UNC5D: variants seen among roughly 807,000 people sequenced by gnomAD.
UNC5D encodes netrin receptor UNC5D.
A neutral mutation model predicts 105.4 loss-of-function variants in UNC5D; 39 were observed. That is an observed-to-expected ratio of 0.37 (90% CI 0.29 to 0.48). The LOEUF (loss-of-function observed/expected upper bound fraction) is 0.48. Ranked by LOEUF, UNC5D falls within the 20% of genes least tolerant of loss-of-function variation. UNC5D has a pLI of 0.98. For missense variants in UNC5D, 991 were observed against 1,202.4 expected (o/e 0.82, Z 2.60); for synonymous variants, 452 against 450.4 (o/e 1.00, Z -0.04).
intron 1 of UNC5D, among the ~76,000 whole-genome samples, chr8:35,316,570 A>T (rs181882744): frequency 1.3e-5 from 2 of 152,320 alleles, no homozygotes; most frequent in African/African-American, 4.8e-5. Context: ...GCATCTTAGA[A>T]AAATCACATA....
chr8:35,395,371 G>T (rs911742652), intron 1 of UNC5D, among the ~76,000 whole-genome samples: 5 of 152,132 alleles, frequency 3.3e-5, no homozygotes, highest in African/African-American at 9.7e-5. Flanking sequence ...AACCAAAAAA[G>T]CTACCTGCAA....
rs539756280 is a variant in UNC5D at position 35,775,707 on chromosome 8, T to C, written c.2657+1230T>C. 1.1e-4 allele frequency among the ~76,000 whole-genome samples: 17 copies of C among 152,228 alleles called. 2 individuals are homozygous for C. The South Asian group carries it at 3.5e-3, about 32-fold the overall frequency. The stretch of plus-strand genomic sequence containing the variant: ...TTTTCACAGACATCCTACCTGACTC[T>C]TTCTTCTCTGAAAGGGAGGGTAGAT... On this transcript the variant is annotated intron_variant, in intron 16 of 16. Coordinates refer to ENST00000404895, the MANE Select transcript of UNC5D (RefSeq NM_080872.4).
At chr8:35,553,771 T>A (rs1348573060) in intron 2 of UNC5D, among the ~76,000 whole-genome samples, 2 of 152,180 alleles carry the variant, frequency 1.3e-5, no homozygotes, top group Non-Finnish European at 2.9e-5. Context: ...GAAAAATAGA[T>A]GCATTACCTC....
chr8:35,632,484 C>T (rs979093304), intron 4 of UNC5D, among the ~76,000 whole-genome samples: 6 of 152,146 alleles, frequency 3.9e-5, no homozygotes, highest in Admixed American at 1.3e-4. Context: ...GACCTCAAGC[C>T]GACCTGATTG....
At chr8:35,248,206 A>AAT (rs1200304425) in intron 1 of UNC5D, among the ~76,000 whole-genome samples, 2 of 60,710 alleles carry the variant, frequency 3.3e-5, no homozygotes, top group African/African-American at 1.5e-4. Context: ...TATTATATAA[A>AAT]ATATATAATA....
At chr8:35,610,712 G>A (rs887092039) in intron 4 of UNC5D, among the ~76,000 whole-genome samples, 1 of 152,082 alleles carries the variant, frequency 6.6e-6, no homozygotes, top group Non-Finnish European at 1.5e-5. Context: ...TCTACATTTG[G>A]CCAGAGCCCT....
intron 7 of UNC5D, among the ~76,000 whole-genome samples, chr8:35,695,070 A>G (rs36036754): frequency 2.9e-4 from 44 of 152,194 alleles, no homozygotes; most frequent in Non-Finnish European, 6.0e-4. Context: ...TTATTTATAC[A>G]TTCATTACAT....
chr8:35,773,290 G>A (rs1056159935), intron 15 of UNC5D, among the ~76,000 whole-genome samples: 2 of 152,182 alleles, frequency 1.3e-5, no homozygotes, highest in Non-Finnish European at 2.9e-5. Context: ...TTATTGGACA[G>A]CTTTAAACCA....
At chr8:35,741,479 G>T (rs1278116156) in intron 11 of UNC5D, among the ~76,000 whole-genome samples, 1 of 152,100 alleles carries the variant, frequency 6.6e-6, no homozygotes, top group Non-Finnish European at 1.5e-5. Flanking sequence ...TGTTCTAACT[G>T]CTCCTTTTCC....
intron 2 of UNC5D, among the ~76,000 whole-genome samples, chr8:35,556,819 A>T (rs915994743): frequency 2.0e-5 from 3 of 152,222 alleles, no homozygotes; most frequent in African/African-American, 7.2e-5. Flanking sequence ...AACCACCAAC[A>T]TCTAGAGACT....
chr8:35,445,850 T>C (rs1405631280), intron 1 of UNC5D, among the ~76,000 whole-genome samples: 1 of 152,122 alleles, frequency 6.6e-6, no homozygotes, highest in Non-Finnish European at 1.5e-5. Flanking sequence ...TATTTATTTA[T>C]GAGTGATCAA....
chr8:35,441,311 CTT>C (rs1440987011), intron 1 of UNC5D, among the ~76,000 whole-genome samples: 3 of 151,884 alleles, frequency 2.0e-5, no homozygotes, highest in Admixed American at 2.0e-4. Flanking sequence ...AGAGAAATAA[CTT>C]TTATTACAGT....
chr8:35,576,310 A>T (rs1481615719), intron 3 of UNC5D, among the ~76,000 whole-genome samples: 1 of 152,214 alleles, frequency 6.6e-6, no homozygotes, highest in Non-Finnish European at 1.5e-5. Flanking sequence ...CATAAAAAGC[A>T]AATAACTGGC....
At chr8:35,788,689 A>AACACACACACACACACAC (rs112188484) in intron 16 of UNC5D, among the ~76,000 whole-genome samples, 2 of 151,298 alleles carry the variant, frequency 1.3e-5, no homozygotes, top group African/African-American at 4.9e-5. Flanking sequence ...GAAGGCAGAA[A>AACACACACACACACACAC]ACACACACAC....
intron 4 of UNC5D, among the ~76,000 whole-genome samples, chr8:35,637,894 G>T (rs1196006579): frequency 1.3e-5 from 2 of 152,200 alleles, no homozygotes; most frequent in South Asian, 2.1e-4. Flanking sequence ...TTGCTCTTCA[G>T]TCCCCATGTG....
intron 1 of UNC5D, among the ~76,000 whole-genome samples, chr8:35,533,603 T>G (rs1325230995): frequency 6.6e-6 from 1 of 152,220 alleles, no homozygotes; most frequent in Non-Finnish European, 1.5e-5. Flanking sequence ...CTGCTTTGTT[T>G]ACCTAAGCAA....
At chr8:35,438,976 C>G (rs1000159045) in intron 1 of UNC5D, among the ~76,000 whole-genome samples, 1 of 151,782 alleles carries the variant, frequency 6.6e-6, no homozygotes, top group South Asian at 2.1e-4. Context: ...GAGAGATGGA[C>G]GCAGGGGGCC....
rs535049865 is a variant in UNC5D, at chr8:35,495,278, T to C, written c.104-54014T>C. Reference sequence around the variant, plus strand: ...AAAATATCTTTTTTCTAGCAAAATTTTGGAGTGTAAGCATTTGTATTTGGT... The same window carrying C: ...AAAATATCTTTTTTCTAGCAAAATTCTGGAGTGTAAGCATTTGTATTTGGT... On this transcript the variant is annotated intron_variant, in intron 1 of 16. Transcript: ENST00000404895. Among the ~76,000 whole-genome samples, 16 of 151,892 alleles carry C rather than the reference T, an allele frequency of 1.1e-4. No homozygotes were observed. In the East Asian group the frequency reaches 2.5e-3, roughly 24 times the overall value.
At chr8:35,383,788 A>C (rs532163362) in intron 1 of UNC5D, among the ~76,000 whole-genome samples, 1 of 152,322 alleles carries the variant, frequency 6.6e-6, no homozygotes, top group East Asian at 1.9e-4. Flanking sequence ...GTAAAACATC[A>C]ACATTTAAGG....
Sources: gnomAD v4.1 joint callset for allele counts (sites outside exome capture counted in the v4.1 genomes callset) on GRCh38, gnomAD v4.1.1 for gene constraint, MANE v1.5 for transcripts, NCBI Gene and HGNC (gene_info 2026-07-23, HGNC 2026-07-21) for gene names.